The following ZFHX3 variants were observed in gnomAD, a reference collection of about 807,000 sequenced individuals.
ZFHX3 encodes the protein zinc finger homeobox 3, also known as zinc finger homeobox protein 3.
A neutral mutation model predicts 279.1 loss-of-function variants in ZFHX3; 42 were observed. The ratio of observed to expected loss-of-function variants is 0.15; its 90% CI spans 0.12 to 0.19. ZFHX3 has a LOEUF of 0.19. Ranked by LOEUF, ZFHX3 falls within the 10% of genes least tolerant of loss-of-function variation. ZFHX3 has a pLI of 1.00. For synonymous variants in ZFHX3, 2,293 were observed against 1,957.8 expected (o/e 1.17, Z -4.52); for missense variants, 4,981 against 4,754.0 (o/e 1.05, Z -1.40).
At chr16:73,821,265 C>T (rs948462677) in intron 1 of ZFHX3, among the ~76,000 whole-genome samples, 6 of 152,334 alleles carry the variant, frequency 3.9e-5, no homozygotes, top group African/African-American at 1.4e-4. Flanking sequence ...AGCTGTTGTT[C>T]TTCCCCATGG....
intron 2 of ZFHX3, among the ~76,000 whole-genome samples, chr16:73,670,298 T>A (rs532518556): frequency 6.6e-6 from 1 of 152,228 alleles, no homozygotes; most frequent in African/African-American, 2.4e-5. Context: ...CTGAAAATAA[T>A]GATGCAAGAG....
chr16:73,436,516 C>A (rs1261220163), intron 3 of ZFHX3, among the ~76,000 whole-genome samples: 1 of 152,144 alleles, frequency 6.6e-6, no homozygotes, highest in Non-Finnish European at 1.5e-5. Flanking sequence ...ATGGGAGAAA[C>A]CACCCCCACG....
At chr16:73,796,588 T>C (rs568528641) in intron 1 of ZFHX3, 1 of 152,372 alleles carries the variant, frequency 6.6e-6, no homozygotes, top group East Asian at 1.9e-4. Context: ...GACAAAGCTA[T>C]GAGCGTTAGA....
At chr16:73,169,764 C>T (rs1468442844) in intron 5 of ZFHX3, among the ~76,000 whole-genome samples, 2 of 151,894 alleles carry the variant, frequency 1.3e-5, no homozygotes, top group East Asian at 1.9e-4. Context: ...ATGGTGGAGA[C>T]GCATGGATTC....
chr16:73,487,201 G>A lies in ZFHX3; in HGVS notation c.-1546-30943C>T, dbSNP rs75420253. Reference sequence around the variant, plus strand: ...CTAGGGCAGAGGATTCCCGAGTGGAGGTTCATAAAAAATTAAGCTCGGATA... The same window carrying A: ...CTAGGGCAGAGGATTCCCGAGTGGAAGTTCATAAAAAATTAAGCTCGGATA... On this transcript the variant is annotated intron_variant, in intron 2 of 17. Coordinates refer to the ZFHX3 transcript ENST00000641206. 6.1e-3 allele frequency among the ~76,000 whole-genome samples: 927 copies of A among 152,286 alleles called. 9 individuals carry two copies. The highest frequency in any genetic ancestry group is 0.021 in the African/African-American group (888 of 41,544).
intron 2 of ZFHX3, among the ~76,000 whole-genome samples, chr16:73,537,841 G>A (rs1458917667): frequency 6.6e-6 from 1 of 152,202 alleles, no homozygotes; most frequent in Non-Finnish European, 1.5e-5. Context: ...TGACCATTTA[G>A]GGTCGTGGCT....
At chr16:72,954,069 C>CCTATAAATAAGAAA (rs1215797557) in intron 2 of ZFHX3, among the ~76,000 whole-genome samples, 1 of 152,128 alleles carries the variant, frequency 6.6e-6, no homozygotes, top group Non-Finnish European at 1.5e-5. Flanking sequence ...GAGCAGGGCC[C>CCTATAAATAAGAAA]CTATAAATAA....
chr16:73,668,908 G>GC (rs1360022603), intron 2 of ZFHX3, among the ~76,000 whole-genome samples: 1 of 152,150 alleles, frequency 6.6e-6, no homozygotes, highest in African/African-American at 2.4e-5. Context: ...AACAACAGAT[G>GC]CTGGAGAGGA....
chr16:73,841,699 C>A (rs1961313659), intron 1 of ZFHX3, among the ~76,000 whole-genome samples: 1 of 152,236 alleles, frequency 6.6e-6, no homozygotes. Flanking sequence ...GGGAAGAAAT[C>A]TAAAGAATAA....
intron 3 of ZFHX3, among the ~76,000 whole-genome samples, chr16:73,399,166 C>G (rs2017194480): frequency 6.6e-6 from 1 of 152,136 alleles, no homozygotes; most frequent in African/African-American, 2.4e-5. Context: ...GCCTGAGCCA[C>G]TGTGCCCGGC....
At chr16:73,147,279 T>A (rs1172765551) in intron 5 of ZFHX3, among the ~76,000 whole-genome samples, 2 of 152,218 alleles carry the variant, frequency 1.3e-5, no homozygotes, top group African/African-American at 4.8e-5. Flanking sequence ...GATGTAGAAC[T>A]GTTAGACTGT....
chr16:73,806,345 T>G (rs539938125), intron 1 of ZFHX3, among the ~76,000 whole-genome samples: 8 of 152,036 alleles, frequency 5.3e-5, no homozygotes, highest in Non-Finnish European at 1.5e-5. Flanking sequence ...ACTGGCACAA[T>G]TGAGGAGCAG....
chr16:73,257,693 T>C (rs1314371623), intron 4 of ZFHX3, among the ~76,000 whole-genome samples: 1 of 152,230 alleles, frequency 6.6e-6, no homozygotes, highest in Non-Finnish European at 1.5e-5. Flanking sequence ...TTCAGTAAGA[T>C]GGTAGGTTTT....
intron 2 of ZFHX3, among the ~76,000 whole-genome samples, chr16:73,525,166 T>G (rs1229913283): frequency 6.6e-6 from 1 of 152,196 alleles, no homozygotes; most frequent in Non-Finnish European, 1.5e-5. Flanking sequence ...GTTAATTCTC[T>G]CCCGACCTGG....
chr16:73,754,041 G>A (rs1473384733), intron 1 of ZFHX3, among the ~76,000 whole-genome samples: 1 of 136,636 alleles, frequency 7.3e-6, no homozygotes, highest in Non-Finnish European at 1.6e-5. Context: ...TTCTTGGACT[G>A]CCTCCCAAAT....
intron 2 of ZFHX3, among the ~76,000 whole-genome samples, chr16:73,543,275 A>T (rs1325353059): frequency 6.6e-6 from 1 of 152,242 alleles, no homozygotes; most frequent in African/African-American, 2.4e-5. Context: ...TGAATTTAAA[A>T]TCTTTCTGAA....
At chr16:73,245,929 C>T (rs1330054744) in intron 5 of ZFHX3, among the ~76,000 whole-genome samples, 3 of 152,046 alleles carry the variant, frequency 2.0e-5, no homozygotes, top group South Asian at 2.1e-4. Context: ...AGTCCTTGGG[C>T]GTGGACCATG....
At chr16:73,303,983 A>T (rs1037284836) in intron 4 of ZFHX3, among the ~76,000 whole-genome samples, 5 of 144,976 alleles carry the variant, frequency 3.4e-5, no homozygotes, top group African/African-American at 1.3e-4. Context: ...AAAAAAAAAA[A>T]AAAAAAAGAA....
chr16:73,303,963 G>GGAA lies in ZFHX3; in HGVS notation c.-1194+14276_-1194+14277insTTC, dbSNP rs781722281. Among the ~76,000 whole-genome samples the GGAA allele has an allele frequency of 5.4e-4, 41 of 76,130 alleles. 2 individuals carry two copies. Among genetic ancestry groups the GGAA allele is most frequent in the South Asian group, 9.7e-4 (2 of 2,066 alleles). 49.9% of individuals were successfully genotyped at this position (76,130 alleles called of 152,430 possible). A position where few individuals can be genotyped will look rare whatever the true frequency, so the allele number is the denominator to read the frequency against. The stretch of plus-strand genomic sequence containing the variant: ...GATGGAGGTTCAAAAACCCTAGGTG[G>GGAA]AAAAAAAAAAAAAAAAAAAAAAAAA... On this transcript the variant is annotated intron_variant, in intron 4 of 17. Coordinates refer to the ZFHX3 transcript ENST00000641206.
Sources: allele counts gnomAD v4.1 joint callset (sites outside exome capture counted in the v4.1 genomes callset), GRCh38; gene constraint gnomAD v4.1.1; transcripts MANE v1.5; gene names NCBI Gene and HGNC (gene_info 2026-07-23, HGNC 2026-07-21).